Variants in OSBPL5 observed in about 807,000 individuals in gnomAD.
OSBPL5 encodes oxysterol binding protein like 5.
In OSBPL5, 71 loss-of-function variants were observed where a neutral mutation model predicts 111.2. That is an observed-to-expected ratio of 0.64 (90% CI 0.53 to 0.78). The LOEUF (loss-of-function observed/expected upper bound fraction) is 0.78, where lower values mean the gene tolerates loss of function less well. Among genes scored for constraint, OSBPL5 ranks in the 30% least tolerant of loss-of-function variants. The pLI, the probability that OSBPL5 is intolerant of heterozygous loss-of-function variation, is 0.00. For missense variants in OSBPL5, 1,210 were observed against 1,189.3 expected (o/e 1.02, Z -0.26); for synonymous variants, 549 against 513.9 (o/e 1.07, Z -0.93).
chr11:3,107,026 G>A lies in OSBPL5; in HGVS notation c.1059+237C>T, dbSNP rs1375374222. On this transcript the variant is annotated intron_variant, in intron 9 of 21. Coordinates refer to ENST00000263650, the MANE Select transcript of OSBPL5 (RefSeq NM_020896.4). The surrounding 1 kb of genome is among the most constrained non-coding windows in gnomAD (Gnocchi z 6.1). ...GCCTGTCTGCAGCAAACCCCTGCCC[G>A]ATCCCCGCATCTGCATGCCAGCCAG... Among the ~76,000 whole-genome samples, 6 of 151,912 alleles carry A rather than the reference G, an allele frequency of 3.9e-5. No individual in the cohort carries two copies. The highest frequency in any genetic ancestry group is 3.8e-4 in the East Asian group (2 of 5,200).
In OSBPL5 at chr11:3,120,447, G is replaced by C; in HGVS notation, c.580C>G (p.Leu194Val). ...TTCACGGCCCAGACGGACTGATCCA[G>C]CGGGTGGAAGAGCTTGAAGCAGAAG... Reference protein sequence around the residue: ...DGFCFKLFHPLDQSVWAVKGP... With the variant: ...DGFCFKLFHPVDQSVWAVKGP... The change falls in exon 6 of 22, where the codon CTG becomes GTG. Residue 194 changes from leucine (L) to valine (V), a missense_variant. Leu to Val is a conservative substitution (Grantham distance 32). Coordinates refer to ENST00000263650, the MANE Select transcript of OSBPL5 (RefSeq NM_020896.4). 6.2e-7 allele frequency: 1 copy of C among 1,613,260 alleles called. No individual in the cohort carries two copies. Among genetic ancestry groups the C allele is most frequent in the Non-Finnish European group, 8.5e-7 (1 of 1,180,000 alleles).
At chr11:3,103,855 T>C (rs77055374) in intron 10 of OSBPL5, among the ~76,000 whole-genome samples, 56,486 of 100,360 alleles carry the variant, frequency 0.56, 13,627 homozygotes, top group East Asian at 0.8. Flanking sequence ...CCCTTTCCAG[T>C]CTGCGCAGCC....
At chr11:3,097,127 A>AAGATGGGAGGAGGAGAGGAAAGAG (rs1857298475) in intron 14 of OSBPL5, among the ~76,000 whole-genome samples, 1 of 14,730 alleles carries the variant, frequency 6.8e-5, no homozygotes, top group African/African-American at 2.3e-4. Context: ...AGAGGAAAGA[A>AAGATGGGAGGAGGAGAGGAAAGAG]GGGGAAGATG....
At chr11:3,124,295 C>T (rs1336287159) in intron 3 of OSBPL5, among the ~76,000 whole-genome samples, 1 of 152,122 alleles carries the variant, frequency 6.6e-6, no homozygotes, top group South Asian at 2.1e-4. Context: ...GAAAACGGCA[C>T]AAGATGGGGT....
rs1590661796 is a variant in OSBPL5 at position 3,109,637 on chromosome 11, A to C, written c.692-1692T>G. Among the ~76,000 whole-genome samples the C allele has an allele frequency of 6.6e-6, 1 of 150,806 alleles. No individual in the cohort carries two copies. Among genetic ancestry groups the C allele is most frequent in the Admixed American group, 6.6e-5 (1 of 15,156 alleles). Reference sequence around the variant, plus strand: ...CTGCCCTTCTCATTGGGTTGGGGGGATATCTGGGATCCTGCTGGTTCCACT... The same window carrying C: ...CTGCCCTTCTCATTGGGTTGGGGGGCTATCTGGGATCCTGCTGGTTCCACT... On this transcript the variant is annotated intron_variant, in intron 7 of 21. Transcript: ENST00000263650. This position sits in a 1 kb window ranked among gnomAD's most constrained non-coding sequence, Gnocchi z 7.4.
rs1008497620 is a variant in OSBPL5 at position 3,161,886 on chromosome 11, G to A, written c.-22+3330C>T. Among the ~76,000 whole-genome samples, 24 of 152,108 alleles carry A rather than the reference G, an allele frequency of 1.6e-4. No homozygotes were observed. Among genetic ancestry groups the A allele is most frequent in the African/African-American group, 5.3e-4 (22 of 41,424 alleles). On this transcript the variant is annotated intron_variant, in intron 1 of 21. Transcript: ENST00000263650. The surrounding 1 kb of genome is among the most constrained non-coding windows in gnomAD (Gnocchi z 8.0). ...GCCCACCAAATGCAGATCCAAGGAGGGGCCGAAAGCAGAGGCACAGGCAGT... is the reference window on the plus strand; with the variant it reads ...GCCCACCAAATGCAGATCCAAGGAGAGGCCGAAAGCAGAGGCACAGGCAGT...
chr11:3,112,008 TGC>T (rs1491324790), intron 7 of OSBPL5, among the ~76,000 whole-genome samples: 12 of 134,472 alleles, frequency 8.9e-5, no homozygotes, highest in East Asian at 2.4e-4. Flanking sequence ...TGTGTGTGTG[TGC>T]GCGCATGTGT....
rs896768288 is a variant in OSBPL5 at position 3,162,802 on chromosome 11, C to G, written c.-22+2414G>C. ...CAAAGCTGGCATCGAGAACAATATT[C>G]TTTTCCTTTGTGCCGGTCACAAGCA... On this transcript the variant is annotated intron_variant, in intron 1 of 21. Coordinates refer to ENST00000263650, the MANE Select transcript of OSBPL5 (RefSeq NM_020896.4). This position sits in a 1 kb window ranked among gnomAD's most constrained non-coding sequence, Gnocchi z 8.1. 6.6e-5 allele frequency among the ~76,000 whole-genome samples: 10 copies of G among 152,066 alleles called. No homozygotes were observed. Among genetic ancestry groups the G allele is most frequent in the African/African-American group, 2.4e-4 (10 of 41,418 alleles).
chr11:3,091,845 C>T lies in OSBPL5; in HGVS notation c.2259+587G>A, dbSNP rs1378877416. ...CTGGGGAACACGCCCCCATCCTGTC[C>T]GCTGCGGGTGAGCACCGGCCGCGCT... is the stretch of plus-strand genomic sequence containing the variant. On this transcript the variant is annotated intron_variant, in intron 19 of 21. Transcript: ENST00000263650. Among the ~76,000 whole-genome samples the T allele has an allele frequency of 2.6e-5, 4 of 152,268 alleles. No individual in the cohort carries two copies. The South Asian group carries it at 6.2e-4, about 24-fold the overall frequency.
intron 1 of OSBPL5, among the ~76,000 whole-genome samples, chr11:3,131,856 A>ACCAT (rs200419244): frequency 4.8e-5 from 2 of 41,700 alleles, no homozygotes; most frequent in Admixed American, 2.5e-4. Flanking sequence ...CACCCACCAA[A>ACCAT]CCATCCATCC....
chr11:3,104,461 G>A lies in OSBPL5; in HGVS notation c.1060-84C>T, dbSNP rs1857629054. On this transcript the variant is annotated intron_variant, in intron 9 of 21. Coordinates refer to ENST00000263650, the MANE Select transcript of OSBPL5 (RefSeq NM_020896.4). The surrounding 1 kb of genome is among the most constrained non-coding windows in gnomAD (Gnocchi z 5.0). ...GGGACAGTGGCAGCTCTGGCTGGAG[G>A]AGGCTGTACCTGCCACCCCTTAGGG... 2.0e-6 allele frequency: 3 copies of A among 1,483,432 alleles called. No individual in the cohort carries two copies. The highest frequency in any genetic ancestry group is 1.2e-5 in the South Asian group (1 of 81,708). 91.9% of individuals were successfully genotyped at this position (1,483,432 alleles called of 1,614,324 possible).
chr11:3,094,434 C>T (rs1048785560), intron 14 of OSBPL5, 100 bp from the exon 15 acceptor site: 2 of 852,868 alleles, frequency 2.3e-6, no homozygotes, highest in Non-Finnish European at 3.8e-6. Context: ...TGAGTCCCGA[C>T]CCAGCAGCAC....
rs968742877 is a variant in OSBPL5 at position 3,140,233 on chromosome 11, G to T, written c.-21-11064C>A. Among the ~76,000 whole-genome samples the T allele has an allele frequency of 1.3e-5, 2 of 152,216 alleles. No individual in the cohort carries two copies. The highest frequency in any genetic ancestry group is 4.8e-5 in the African/African-American group (2 of 41,454). ...ATTGCAGTGGTGTCTCCCTGGCCAG[G>T]CTGCTGAGTTCAGCTCTGGAAGGGG... On this transcript the variant is annotated intron_variant, in intron 1 of 21. Coordinates refer to ENST00000263650, the MANE Select transcript of OSBPL5 (RefSeq NM_020896.4). This position sits in a 1 kb window ranked among gnomAD's most constrained non-coding sequence, Gnocchi z 4.5.
At chr11:3,159,472 G>A (rs1247538553) in intron 1 of OSBPL5, among the ~76,000 whole-genome samples, 1 of 152,182 alleles carries the variant, frequency 6.6e-6, no homozygotes, top group Non-Finnish European at 1.5e-5. Context: ...CTGCACTCAG[G>A]GACACCATGT....
At chr11:3,103,721 C>A (rs1378249893) in intron 10 of OSBPL5, among the ~76,000 whole-genome samples, 1 of 93,314 alleles carries the variant, frequency 1.1e-5, no homozygotes. Flanking sequence ...CTTCCAGGCT[C>A]TGCTGCCCCT....
intron 21 of OSBPL5, among the ~76,000 whole-genome samples, chr11:3,089,114 A>G (rs1856973026): frequency 6.6e-6 from 1 of 152,196 alleles, no homozygotes; most frequent in South Asian, 2.1e-4. Context: ...CTGCCCACAC[A>G]GCCTCACCAG....
At position 3,090,483 on chromosome 11, in the gene OSBPL5, C is replaced by T. The variant is rs889574209; in HGVS notation, c.2398+75G>A. On this transcript the variant is annotated intron_variant, in intron 20 of 21. Coordinates refer to ENST00000263650, the MANE Select transcript of OSBPL5 (RefSeq NM_020896.4). ...ACATCTGGGCAGGTGCTTCTCTGGC[C>T]TCCCCTCCAGCCAGGTCAGCATCTG... 3.2e-6 allele frequency: 5 copies of T among 1,554,270 alleles called. No homozygotes were observed. In the African/African-American group the frequency reaches 6.8e-5, roughly 21 times the overall value.
chr11:3,151,213 G>C (rs1242929249), intron 1 of OSBPL5, among the ~76,000 whole-genome samples: 3 of 152,130 alleles, frequency 2.0e-5, no homozygotes, highest in Non-Finnish European at 4.4e-5. Context: ...CAGAGCCTTC[G>C]GAGGGAGCGC....
chr11:3,111,981 G>A lies in OSBPL5; in HGVS notation c.692-4036C>T, dbSNP rs189822237. ...TGTGTGTGTGTGTGCATATGTGTGCGCGCATGTGTGTGCATGTGTGTGTGT... is the reference window on the plus strand; with the variant it reads ...TGTGTGTGTGTGTGCATATGTGTGCACGCATGTGTGTGCATGTGTGTGTGT... On this transcript the variant is annotated intron_variant, in intron 7 of 21. Transcript: ENST00000263650. 5.4e-4 allele frequency among the ~76,000 whole-genome samples: 73 copies of A among 136,386 alleles called. 1 individual carries two copies. In the East Asian group the frequency reaches 9.2e-3, roughly 17 times the overall value. The allele number at this position is 136,386 out of a possible 152,430, so 89.5% of individuals were successfully genotyped here.
Sources: gnomAD v4.1 joint callset for allele counts (sites outside exome capture counted in the v4.1 genomes callset) on GRCh38, gnomAD v4.1.1 for gene constraint, Gnocchi (gnomAD v3.1) non-coding constraint, MANE v1.5 for transcripts, NCBI Gene and HGNC (gene_info 2026-07-23, HGNC 2026-07-21) for gene names.